The following IQSEC1 variants were observed in gnomAD, a reference collection of about 807,000 sequenced individuals.
IQSEC1 encodes IQ motif and SEC7 domain-containing protein 1.
IQSEC1 carries 31 observed loss-of-function variants against 91.0 expected under a neutral mutation model. The observed-to-expected ratio is 0.34, with a 90% CI of 0.26 to 0.46. IQSEC1 has a LOEUF of 0.46. Among genes scored for constraint, IQSEC1 ranks in the 20% least tolerant of loss-of-function variants. The pLI is 1.00. For missense variants in IQSEC1, 1,388 were observed against 1,575.6 expected, an observed-to-expected ratio of 0.88 and a Z score of 2.02; for synonymous variants, 699 against 662.6, an observed-to-expected ratio of 1.05 and a Z score of -0.84.
intron 2 of IQSEC1, among the ~76,000 whole-genome samples, chr3:13,088,294 TCACCCAG>T (rs1266192336): frequency 6.6e-6 from 1 of 152,216 alleles, no homozygotes; most frequent in Non-Finnish European, 1.5e-5. Flanking sequence ...GTGCATGTGC[TCACCCAG>T]CACCTGCATG....
intron 1 of IQSEC1, among the ~76,000 whole-genome samples, chr3:12,944,482 G>T (rs1229166561): frequency 1.3e-5 from 2 of 152,046 alleles, no homozygotes; most frequent in East Asian, 3.9e-4. Flanking sequence ...TCACGCCTCT[G>T]CTCCAGGCCT....
chr3:13,166,332 A>G (rs76249892), intron 1 of IQSEC1, among the ~76,000 whole-genome samples: 219 of 152,360 alleles, frequency 1.4e-3, no homozygotes, highest in African/African-American at 5.0e-3. Flanking sequence ...CAGTAGGACG[A>G]AAATGCCACA....
intron 1 of IQSEC1, among the ~76,000 whole-genome samples, chr3:13,039,071 C>T (rs1220619870): frequency 1.3e-5 from 2 of 152,230 alleles, no homozygotes; most frequent in Non-Finnish European, 2.9e-5. Flanking sequence ...ATACTACTCT[C>T]CTCCATATTT....
intron 1 of IQSEC1, among the ~76,000 whole-genome samples, chr3:12,957,162 G>C (rs1559672008): frequency 6.6e-6 from 1 of 152,112 alleles, no homozygotes; most frequent in Non-Finnish European, 1.5e-5. Flanking sequence ...GCTTCCAAAG[G>C]CCTCCTTCCT....
chr3:13,159,032 G>C (rs556670156), intron 2 of IQSEC1, among the ~76,000 whole-genome samples: 24 of 152,200 alleles, frequency 1.6e-4, no homozygotes, highest in Non-Finnish European at 2.6e-4. Flanking sequence ...GCTTATGAAG[G>C]GTACGTGTCT....
intron 1 of IQSEC1, among the ~76,000 whole-genome samples, chr3:13,264,720 G>A (rs1695453899): frequency 6.6e-6 from 1 of 151,890 alleles, no homozygotes. Flanking sequence ...GAGGAGGACG[G>A]AGGAGAGGGC....
chr3:13,206,735 A>T (rs1409458078), intron 1 of IQSEC1, among the ~76,000 whole-genome samples: 1 of 152,218 alleles, frequency 6.6e-6, no homozygotes, highest in Non-Finnish European at 1.5e-5. Flanking sequence ...TGGGATGGTG[A>T]GGGCACATGG....
intron 1 of IQSEC1, among the ~76,000 whole-genome samples, chr3:13,200,021 G>A (rs569559352): frequency 1.4e-5 from 2 of 141,862 alleles, no homozygotes; most frequent in Admixed American, 7.1e-5. Flanking sequence ...CACGCCACAT[G>A]TACATCACAC....
intron 1 of IQSEC1, among the ~76,000 whole-genome samples, chr3:13,238,193 G>A (rs74681874): frequency 0.039 from 5,908 of 152,238 alleles, 385 homozygotes; most frequent in African/African-American, 0.13. Flanking sequence ...AGCCCACGGC[G>A]GTCACCGCCC....
intron 1 of IQSEC1, among the ~76,000 whole-genome samples, chr3:13,057,724 G>T (rs1385734524): frequency 6.6e-6 from 1 of 152,200 alleles, no homozygotes; most frequent in Non-Finnish European, 1.5e-5. Flanking sequence ...ACAGTGAGAT[G>T]ATTGTCCCAG....
At chr3:13,156,064 CAA>C (rs34638350) in intron 2 of IQSEC1, among the ~76,000 whole-genome samples, 51,684 of 129,848 alleles carry the variant, frequency 0.4, 10,015 homozygotes, top group East Asian at 0.54. Flanking sequence ...ACTAAAAATA[CAA>C]AAAAAAAAAA....
intron 2 of IQSEC1, among the ~76,000 whole-genome samples, chr3:13,100,081 A>G (rs1448322964): frequency 6.8e-6 from 1 of 147,882 alleles, no homozygotes; most frequent in Non-Finnish European, 1.5e-5. Flanking sequence ...AGTCCGCTGG[A>G]TTTGTGCTGA....
chr3:13,040,200 A>G (rs1174077509), intron 1 of IQSEC1, among the ~76,000 whole-genome samples: 1 of 152,186 alleles, frequency 6.6e-6, no homozygotes, highest in Non-Finnish European at 1.5e-5. Flanking sequence ...TTCCACCCAC[A>G]GTGCCCTTCC....
chr3:13,144,349 G>A (rs1391298062), intron 2 of IQSEC1, among the ~76,000 whole-genome samples: 1 of 152,160 alleles, frequency 6.6e-6, no homozygotes, highest in Non-Finnish European at 1.5e-5. Context: ...TCTGGTCACC[G>A]CCACGTGGCT....
At position 13,268,674 on chromosome 3, in the gene IQSEC1, C is replaced by T. The variant is rs530748703; in HGVS notation, c.272+14037G>A. 9.2e-5 allele frequency among the ~76,000 whole-genome samples: 14 copies of T among 152,346 alleles called. 1 individual carries two copies. In the South Asian group the frequency reaches 2.7e-3, roughly 29 times the overall value. ...AAGTGCAAATACAATCTTAATTGTA[C>T]ACGTTTTCCCTGCACCTCAAAGAAT... On this transcript the variant is annotated intron_variant, in intron 1 of 15. Coordinates refer to the IQSEC1 transcript ENST00000648114.
chr3:13,005,002 A>G (rs1702575164), intron 1 of IQSEC1, among the ~76,000 whole-genome samples: 1 of 152,172 alleles, frequency 6.6e-6, no homozygotes, highest in Non-Finnish European at 1.5e-5. Context: ...AGACCAAACA[A>G]ATACTATGTT....
At chr3:13,035,380 G>A (rs770912725) in intron 1 of IQSEC1, among the ~76,000 whole-genome samples, 4 of 152,118 alleles carry the variant, frequency 2.6e-5, no homozygotes, top group African/African-American at 9.7e-5. Context: ...TCTTCCCTAC[G>A]TGGACTTGAG....
At chr3:13,239,157 A>G (rs1431204512) in intron 1 of IQSEC1, among the ~76,000 whole-genome samples, 5 of 152,216 alleles carry the variant, frequency 3.3e-5, no homozygotes, top group Non-Finnish European at 5.9e-5. Flanking sequence ...TGGTTGCACT[A>G]AATTAAAACT....
At chr3:13,192,063 C>T (rs1440737800) in intron 1 of IQSEC1, among the ~76,000 whole-genome samples, 1 of 152,124 alleles carries the variant, frequency 6.6e-6, no homozygotes, top group East Asian at 1.9e-4. Flanking sequence ...TGGCTGGGCA[C>T]GGTGGCTCAC....
Sources: gnomAD v4.1 joint callset for allele counts (sites outside exome capture counted in the v4.1 genomes callset) on GRCh38, gnomAD v4.1.1 for gene constraint, MANE v1.5 for transcripts, NCBI Gene and HGNC (gene_info 2026-07-23, HGNC 2026-07-21) for gene names.